The following MTBP variants were observed in gnomAD, a reference collection of about 807,000 sequenced individuals.
The protein encoded by MTBP is MDM2 binding protein.
MTBP carries 101 observed loss-of-function variants against 117.0 expected under a neutral mutation model. The ratio of observed to expected loss-of-function variants is 0.86; its 90% CI spans 0.73 to 1.02. The LOEUF (loss-of-function observed/expected upper bound fraction) is 1.02, where lower values mean the gene tolerates loss of function less well. Ranked by LOEUF, MTBP falls within the 50% of genes least tolerant of loss-of-function variation. MTBP has a pLI of 0.00. For missense variants in MTBP, 970 were observed against 1,030.9 expected (o/e 0.94, Z 0.81); for synonymous variants, 350 against 351.5 (o/e 1.00, Z 0.05).
chr8:120,501,230 C>T (rs1391730783), intron 14 of MTBP, among the ~76,000 whole-genome samples: 1 of 120,712 alleles, frequency 8.3e-6, no homozygotes, highest in Non-Finnish European at 1.7e-5. Flanking sequence ...GGCGTGGTGG[C>T]GGGCACCTGT....
At chr8:120,454,641 A>C (rs1225517708) in intron 5 of MTBP, among the ~76,000 whole-genome samples, 1 of 152,060 alleles carries the variant, frequency 6.6e-6, no homozygotes, top group Non-Finnish European at 1.5e-5. Context: ...CTTTTAGCTT[A>C]TAGTCAGCCA....
intron 8 of MTBP, among the ~76,000 whole-genome samples, chr8:120,460,259 CT>C (rs1208374035): frequency 6.6e-6 from 1 of 152,120 alleles, no homozygotes; most frequent in African/African-American, 2.4e-5. Flanking sequence ...ATGACCTCAA[CT>C]TTTCTTCAAG....
At chr8:120,517,570 A>G (rs13250736) in intron 18 of MTBP, among the ~76,000 whole-genome samples, 80,121 of 151,712 alleles carry the variant, frequency 0.53, 24,473 homozygotes, top group Non-Finnish European at 0.67. Context: ...AGTAATAGCA[A>G]TAAATTTTGT....
intron 11 of MTBP, among the ~76,000 whole-genome samples, chr8:120,484,818 C>G (rs2130574017): frequency 6.6e-6 from 1 of 152,220 alleles, no homozygotes. Flanking sequence ...TTTCCACCAC[C>G]CATTCCTCCT....
intron 16 of MTBP, 106 bp downstream of exon 16, chr8:120,506,967 A>C (rs1814699624): frequency 1.0e-6 from 1 of 965,030 alleles, no homozygotes; most frequent in South Asian, 2.2e-5. Flanking sequence ...CTCAGGGAAA[A>C]TTTATAAGTT....
At chr8:120,466,397 G>T (rs1813695300) in intron 10 of MTBP, among the ~76,000 whole-genome samples, 1 of 151,100 alleles carries the variant, frequency 6.6e-6, no homozygotes, top group Non-Finnish European at 1.5e-5. Flanking sequence ...TGTATATTTA[G>T]TGGAGACAGG....
intron 13 of MTBP, 38 bp from the exon 14 acceptor site, chr8:120,497,355 A>C: frequency 6.5e-7 from 1 of 1,546,344 alleles, no homozygotes; most frequent in Non-Finnish European, 8.7e-7. Context: ...AGCTCCAGAG[A>C]ATACAAAATA....
At chr8:120,481,087 C>T (rs1814073676) in intron 11 of MTBP, among the ~76,000 whole-genome samples, 1 of 152,108 alleles carries the variant, frequency 6.6e-6, no homozygotes, top group African/African-American at 2.4e-5. Context: ...AAAAGATGCC[C>T]AACATCATTA....
intron 16 of MTBP, among the ~76,000 whole-genome samples, chr8:120,508,554 A>G (rs1163108274): frequency 6.6e-6 from 1 of 152,204 alleles, no homozygotes; most frequent in South Asian, 2.1e-4. Context: ...GCTTTTTAGG[A>G]TTCATTAATT....
chr8:120,446,423 T>C lies in MTBP; in HGVS notation c.119-10T>C. ...GAGCCCTTTGAGTTAGTCTATCTTT[T>C]CTTTTTCAGACTTCACAGCAGCAAA... is the stretch of plus-strand genomic sequence containing the variant. On this transcript the variant is annotated splice_polypyrimidine_tract_variant and intron_variant, in intron 1 of 21. Coordinates refer to ENST00000305949, the MANE Select transcript of MTBP (RefSeq NM_022045.5). The C allele has an allele frequency of 1.3e-6, 2 of 1,580,080 alleles. No homozygotes were observed. Among genetic ancestry groups the C allele is most frequent in the Non-Finnish European group, 1.7e-6 (2 of 1,149,492 alleles).
Position 120,497,469 on chromosome 8 carries a change from A to G in MTBP, c.1524A>G (p.Lys508=), listed in dbSNP as rs772928999. The change falls in exon 14 of 22, where the codon AAA becomes AAG. Residue 508 remains lysine, a synonymous_variant. Coordinates refer to ENST00000305949, the MANE Select transcript of MTBP (RefSeq NM_022045.5). The part of the protein sequence containing the change: ...ELKSLLVLTR[K]HFLDYFDAVI... The stretch of plus-strand genomic sequence containing the variant: ...AAAGTCTGTTAGTACTCACAAGGAA[A>G]CACTTTTTAGATTATTTTGATGCTG... 6.2e-7 allele frequency: 1 copy of G among 1,606,372 alleles called. No individual in the cohort carries two copies. The highest frequency in any genetic ancestry group is 1.1e-5 in the South Asian group (1 of 89,364).
At chr8:120,446,593 T>C (rs535938054) in intron 2 of MTBP, 80 bp downstream of exon 2, 22 of 845,144 alleles carry the variant, frequency 2.6e-5, no homozygotes, top group South Asian at 2.5e-4. Context: ...CCCTAAGGAG[T>C]ACAAGGAAAT....
Position 120,463,679 on chromosome 8 carries a change from C to G in MTBP, c.978-13C>G. ...GGGTACCATTACATCATTTCTTTAACTCCTTAGTACAGAGGATTGACAAAC... is the reference window on the plus strand; with the variant it reads ...GGGTACCATTACATCATTTCTTTAAGTCCTTAGTACAGAGGATTGACAAAC... On this transcript the variant is annotated splice_polypyrimidine_tract_variant and intron_variant, in intron 9 of 21. Transcript: ENST00000305949. 6.4e-7 allele frequency: 1 copy of G among 1,572,696 alleles called. No individual in the cohort carries two copies. Among genetic ancestry groups the G allele is most frequent in the Non-Finnish European group, 8.7e-7 (1 of 1,155,870 alleles).
At chr8:120,495,054 G>A (rs951413220) in intron 13 of MTBP, among the ~76,000 whole-genome samples, 8 of 151,822 alleles carry the variant, frequency 5.3e-5, no homozygotes, top group Non-Finnish European at 8.8e-5. Context: ...CTTTCAGAAT[G>A]TTCTTTTTCC....
At chr8:120,503,748 A>G (rs1814632167) in intron 15 of MTBP, among the ~76,000 whole-genome samples, 1 of 152,194 alleles carries the variant, frequency 6.6e-6, no homozygotes, top group Non-Finnish European at 1.5e-5. Flanking sequence ...AGGCTAAGTG[A>G]GAGATGACTG....
chr8:120,497,085 C>T (rs1459712481), intron 13 of MTBP, among the ~76,000 whole-genome samples: 1 of 152,206 alleles, frequency 6.6e-6, no homozygotes, highest in Non-Finnish European at 1.5e-5. Flanking sequence ...TTTATTTCTA[C>T]ATAACCATGA....
chr8:120,506,675 T>G (rs1814692699), intron 15 of MTBP, 31 bp from the exon 16 acceptor site: 1 of 1,516,842 alleles, frequency 6.6e-7, no homozygotes, highest in South Asian at 1.4e-5. Context: ...GAATCCACTT[T>G]TAATAAATCT....
Position 120,523,363 on chromosome 8 carries a change from TA to T in MTBP, c.*28del. The stretch of plus-strand genomic sequence containing the variant: ...ACATAATCATTCTCTTTAAGACAAT[TA>T]TAAATTGGATGGAGCTATTATTCAC... On this transcript the variant is annotated 3_prime_UTR_variant, in exon 22 of 22. Coordinates refer to ENST00000305949, the MANE Select transcript of MTBP (RefSeq NM_022045.5). 4.2e-6 allele frequency: 6 copies of T among 1,421,396 alleles called. No individual in the cohort carries two copies. The highest frequency in any genetic ancestry group is 5.8e-6 in the Non-Finnish European group (6 of 1,039,496). 88.0% of individuals were successfully genotyped at this position (1,421,396 alleles called of 1,614,324 possible).
intron 15 of MTBP, among the ~76,000 whole-genome samples, chr8:120,505,744 G>A (rs1015548257): frequency 6.6e-6 from 1 of 152,174 alleles, no homozygotes; most frequent in African/African-American, 2.4e-5. Context: ...CTGATTCAGT[G>A]CATAGTGAAA....
Sources: gnomAD v4.1 joint callset for allele counts (sites outside exome capture counted in the v4.1 genomes callset) on GRCh38, gnomAD v4.1.1 for gene constraint, MANE v1.5 for transcripts, NCBI Gene and HGNC (gene_info 2026-07-23, HGNC 2026-07-21) for gene names.